Variants in VPS8 observed in about 807,000 individuals in gnomAD.
The protein encoded by VPS8 is vacuolar protein sorting-associated protein 8 homolog.
VPS8 carries 129 observed loss-of-function variants against 216.4 expected under a neutral mutation model. That is an observed-to-expected ratio of 0.60 (90% confidence interval 0.52 to 0.69). VPS8 has a LOEUF of 0.69. Ranked by LOEUF, VPS8 falls within the 30% of genes least tolerant of loss-of-function variation. VPS8 has a pLI of 0.00. For missense variants in VPS8, 1,531 were observed against 1,683.5 expected (o/e 0.91, Z 1.59); for synonymous variants, 571 against 565.4 (o/e 1.01, Z -0.14).
At chr3:185,050,848 A>AC (rs2108559898) in intron 47 of VPS8, among the ~76,000 whole-genome samples, 1 of 152,210 alleles carries the variant, frequency 6.6e-6, no homozygotes, top group African/African-American at 2.4e-5. Flanking sequence ...ATGTGAGCCT[A>AC]CACAGGGTCC....
intron 45 of VPS8, among the ~76,000 whole-genome samples, chr3:185,001,025 A>G (rs76330194): frequency 0.01 from 1,591 of 152,268 alleles, 32 homozygotes; most frequent in African/African-American, 0.036. Flanking sequence ...AGCCTTTCCA[A>G]TTATACCTTC....
chr3:184,882,864 C>T lies in VPS8; in HGVS notation c.1735-3246C>T, dbSNP rs536680538. ...GTGTGTAGAATTTTCATAGTATTCCCTTATTATCCTTTTGATGTTGTCAAT... is the reference window on the plus strand; with the variant it reads ...GTGTGTAGAATTTTCATAGTATTCCTTTATTATCCTTTTGATGTTGTCAAT... On this transcript the variant is annotated intron_variant, in intron 21 of 47. Coordinates refer to ENST00000625842, the MANE Select transcript of VPS8 (RefSeq NM_001009921.3). 4.6e-5 allele frequency among the ~76,000 whole-genome samples: 7 copies of T among 152,102 alleles called. No homozygotes were observed. The South Asian group carries it at 1.2e-3, about 27-fold the overall frequency.
At position 184,869,091 on chromosome 3, in the gene VPS8, T is replaced by A. The variant is rs770638054; in HGVS notation, c.1597+55T>A. The A allele has an allele frequency of 4.8e-4, 722 of 1,500,966 alleles. 1 individual carries two copies. The highest frequency in any genetic ancestry group is 6.3e-4 in the Non-Finnish European group (696 of 1,098,122). The allele number at this position is 1,500,966 out of a possible 1,614,324, so 93.0% of individuals were successfully genotyped here. A position where few individuals can be genotyped will look rare whatever the true frequency, so the allele number is the denominator to read the frequency against. On this transcript the variant is annotated intron_variant, in intron 19 of 47. Coordinates refer to ENST00000625842, the MANE Select transcript of VPS8 (RefSeq NM_001009921.3). The stretch of plus-strand genomic sequence containing the variant: ...CGTGGTTCTCCTGGAGTAGAGGGAA[T>A]GGTTAGTACTAACCACTCATAGGAC...
chr3:184,852,750 G>T (rs1414625002), intron 11 of VPS8, among the ~76,000 whole-genome samples, 183 bp downstream of exon 11: 1 of 152,230 alleles, frequency 6.6e-6, no homozygotes, highest in East Asian at 1.9e-4. Context: ...TGGTCCTCCC[G>T]AGTTTTATCT....
At chr3:184,832,652 G>A in intron 3 of VPS8, 37 bp from the exon 4 acceptor site, 1 of 1,561,444 alleles carries the variant, frequency 6.4e-7, no homozygotes, top group South Asian at 1.2e-5. Context: ...AGAGTATTTG[G>A]ATTTTGAATG....
At chr3:184,881,136 AG>A (rs1254479205) in intron 21 of VPS8, among the ~76,000 whole-genome samples, 1 of 152,160 alleles carries the variant, frequency 6.6e-6, no homozygotes, top group Non-Finnish European at 1.5e-5. Context: ...TGCAAACCAA[AG>A]GTTTTAATTG....
intron 46 of VPS8, among the ~76,000 whole-genome samples, chr3:185,034,731 G>A (rs1256939884): frequency 1.3e-5 from 2 of 151,836 alleles, no homozygotes; most frequent in Non-Finnish European, 2.9e-5. Flanking sequence ...GGTCCCACTT[G>A]TTTATTTTTG....
intron 1 of VPS8, chr3:184,816,028 A>G (rs1190759304): frequency 2.6e-5 from 4 of 152,188 alleles, no homozygotes; most frequent in Non-Finnish European, 5.9e-5. Context: ...AAAAGGGAAT[A>G]TATTTCAGCG....
Position 184,832,771 on chromosome 3 carries a change from C to A in VPS8, c.305C>A (p.Thr102Asn), listed in dbSNP as rs1577782149. ...IDTIDSHSYD[T>N]SSVASSDSGD... ...ACTATTGATTCTCACTCCTATGATA[C>A]TTCATCTGTGGCAAGCTCAGATAGT... Residue 102 changes from threonine to asparagine, a missense_variant, in exon 4 of 48, where the codon ACT becomes AAT. Transcript: ENST00000625842. 1.2e-6 allele frequency: 2 copies of A among 1,610,052 alleles called. No homozygotes were observed. Among genetic ancestry groups the A allele is most frequent in the Admixed American group, 1.7e-5 (1 of 59,546 alleles).
At chr3:184,824,398 T>C (rs1161596906) in intron 1 of VPS8, 147 bp from the exon 2 acceptor site, 9 of 494,862 alleles carry the variant, frequency 1.8e-5, no homozygotes, top group East Asian at 3.5e-5. Context: ...TAACATACCC[T>C]GTACCCCACT....
At chr3:184,981,716 G>A (rs1243445857) in intron 40 of VPS8, among the ~76,000 whole-genome samples, 6 of 152,182 alleles carry the variant, frequency 3.9e-5, no homozygotes, top group African/African-American at 1.4e-4. Context: ...GATTACAGGC[G>A]TGAGCCACCA....
At chr3:185,042,939 T>G (rs964732814) in intron 46 of VPS8, among the ~76,000 whole-genome samples, 4 of 152,068 alleles carry the variant, frequency 2.6e-5, no homozygotes. Flanking sequence ...TGGGGGACAT[T>G]TTCTTTTGTG....
In VPS8 at chr3:184,828,196, A is replaced by G. The variant is rs570029032; in HGVS notation, c.222+1965A>G. On this transcript the variant is annotated intron_variant, in intron 3 of 47. Transcript: ENST00000625842. ...ACTCCATCGCCCAGGCTGTAGTGCA[A>G]TGGCACGATCTTGGCTCACTGCACC... 1.8e-3 allele frequency among the ~76,000 whole-genome samples: 269 copies of G among 152,152 alleles called. 1 individual carries two copies. The highest frequency in any genetic ancestry group is 3.3e-3 in the Non-Finnish European group (222 of 67,992).
chr3:184,813,465 A>G (rs1025224167), intron 1 of VPS8, among the ~76,000 whole-genome samples: 5 of 152,194 alleles, frequency 3.3e-5, no homozygotes, highest in East Asian at 1.9e-4. Flanking sequence ...GAGAATCTGC[A>G]TATGTTTGTG....
intron 47 of VPS8, among the ~76,000 whole-genome samples, chr3:185,051,213 C>T: frequency 6.6e-6 from 1 of 152,166 alleles, no homozygotes; most frequent in Non-Finnish European, 1.5e-5. Context: ...CTTCTGTCCT[C>T]CTTGGCAGGT....
intron 35 of VPS8, 29 bp downstream of exon 35, chr3:184,936,364 A>G (rs1171136147): frequency 7.7e-6 from 12 of 1,555,942 alleles, no homozygotes; most frequent in Non-Finnish European, 9.7e-6. Context: ...TATTGGGGAA[A>G]AATATCTAGT....
At chr3:184,955,807 T>C (rs934159505) in intron 36 of VPS8, among the ~76,000 whole-genome samples, 2 of 152,084 alleles carry the variant, frequency 1.3e-5, no homozygotes, top group African/African-American at 4.8e-5. Flanking sequence ...TAATGATGGG[T>C]AAACAATTAT....
chr3:184,977,851 C>T (rs573848016), intron 40 of VPS8, among the ~76,000 whole-genome samples: 6 of 143,922 alleles, frequency 4.2e-5, no homozygotes, highest in African/African-American at 1.5e-4. Flanking sequence ...CATGTATGTT[C>T]ATCAGGAATA....
chr3:184,868,089 G>C, intron 18 of VPS8, 30 bp downstream of exon 18: 1 of 1,609,214 alleles, frequency 6.2e-7, no homozygotes, highest in East Asian at 2.2e-5. Flanking sequence ...ACATGTCAGA[G>C]TTACTGAATT....
Sources: allele counts gnomAD v4.1 joint callset (sites outside exome capture counted in the v4.1 genomes callset), GRCh38; gene constraint gnomAD v4.1.1; transcripts MANE v1.5; gene names NCBI Gene and HGNC (gene_info 2026-07-23, HGNC 2026-07-21).